GCC2: variants seen among roughly 807,000 people sequenced by gnomAD.
The protein encoded by GCC2 is GRIP and coiled-coil domain containing 2.
A neutral mutation model predicts 210.6 loss-of-function variants in GCC2; 120 were observed. The ratio of observed to expected loss-of-function variants is 0.57; its 90% CI spans 0.49 to 0.66. GCC2 has a LOEUF of 0.66. Ranked by LOEUF, GCC2 falls within the 30% of genes least tolerant of loss-of-function variation. GCC2 has a pLI of 0.00. For synonymous variants in GCC2, 703 were observed against 652.7 expected (o/e 1.08, Z -1.17); for missense variants, 1,868 against 1,871.9 (o/e 1.00, Z 0.04).
chr2:108,471,481 G>A lies in GCC2; in HGVS notation c.2152G>A (p.Val718Ile), dbSNP rs772156346. Reference sequence around the variant, plus strand: ...GGTTTTTTTGTCTCAAAAAGAAGATGTTATCCTTAAAGAACATATTACTCA... The same window carrying A: ...GGTTTTTTTGTCTCAAAAAGAAGATATTATCCTTAAAGAACATATTACTCA... ...LEVFLSQKED[V>I]ILKEHITQLE... The change falls in exon 6 of 23, where the codon GTT (valine) becomes ATT (isoleucine). Residue 718 changes from valine (V) to isoleucine (I), a missense_variant. By Grantham distance (29) the Val-to-Ile change is conservative. Coordinates refer to ENST00000309863, the MANE Select transcript of GCC2 (RefSeq NM_181453.4). 9.2e-5 allele frequency: 148 copies of A among 1,610,328 alleles called. 2 individuals carry two copies. The South Asian group carries it at 1.6e-3, about 17-fold the overall frequency.
intron 10 of GCC2, 108 bp from the exon 11 acceptor site, chr2:108,482,179 C>G (rs1681895155): frequency 1.5e-6 from 1 of 675,280 alleles, no homozygotes; most frequent in South Asian, 2.2e-5. Context: ...ACTTGGAAAT[C>G]TTCATTTGTC....
chr2:108,506,890 T>G (rs900205933), intron 22 of GCC2, among the ~76,000 whole-genome samples: 6 of 152,176 alleles, frequency 3.9e-5, no homozygotes, highest in Non-Finnish European at 7.3e-5. Flanking sequence ...GAATTTCTTA[T>G]GTGCTGGTAG....
At chr2:108,477,152 A>T (rs1048267738) in intron 9 of GCC2, among the ~76,000 whole-genome samples, 1 of 151,674 alleles carries the variant, frequency 6.6e-6, no homozygotes, top group African/African-American at 2.4e-5. Context: ...GAGTAGCTAA[A>T]TTTTTTTTTA....
intron 7 of GCC2, chr2:108,474,692 G>A (rs1417111949): frequency 6.6e-6 from 1 of 151,880 alleles, no homozygotes; most frequent in Non-Finnish European, 1.5e-5. Context: ...TGTTTAAGAT[G>A]TTCACCTGTC....
At chr2:108,455,890 A>G (rs1316766776) in intron 4 of GCC2, among the ~76,000 whole-genome samples, 1 of 152,218 alleles carries the variant, frequency 6.6e-6, no homozygotes, top group Non-Finnish European at 1.5e-5. Flanking sequence ...GAGTGTATAT[A>G]TCCCTTTGTT....
At chr2:108,491,242 T>C (rs1682391006) in intron 18 of GCC2, among the ~76,000 whole-genome samples, 1 of 152,186 alleles carries the variant, frequency 6.6e-6, no homozygotes. Flanking sequence ...ATCATTCTGA[T>C]TCCAGATGGG....
chr2:108,466,943 T>A lies in GCC2; in HGVS notation c.217-2037T>A, dbSNP rs145249290. ...TAACCTAATATTATGGTTAAAAATATGTTTGCGTTTGTCTGAACTTGTTTT... is the reference window on the plus strand; with the variant it reads ...TAACCTAATATTATGGTTAAAAATAAGTTTGCGTTTGTCTGAACTTGTTTT... On this transcript the variant is annotated intron_variant, in intron 4 of 22. Coordinates refer to ENST00000309863, the MANE Select transcript of GCC2 (RefSeq NM_181453.4). 2.9e-4 allele frequency among the ~76,000 whole-genome samples: 44 copies of A among 152,348 alleles called. 1 individual carries two copies. The South Asian group carries it at 4.8e-3, about 17-fold the overall frequency.
At chr2:108,481,478 TTTC>T (rs1038646061) in intron 9 of GCC2, among the ~76,000 whole-genome samples, 2 of 152,192 alleles carry the variant, frequency 1.3e-5, no homozygotes, top group Non-Finnish European at 2.9e-5. Flanking sequence ...TATTTAAAAT[TTTC>T]TTCTTCTTTC....
At chr2:108,463,389 A>T (rs540557988) in intron 4 of GCC2, among the ~76,000 whole-genome samples, 1 of 151,702 alleles carries the variant, frequency 6.6e-6, no homozygotes, top group Non-Finnish European at 1.5e-5. Context: ...TATCTTTAGT[A>T]TTGCTTGGGT....
At chr2:108,488,362 G>A (rs1682247270) in intron 17 of GCC2, among the ~76,000 whole-genome samples, 1 of 152,202 alleles carries the variant, frequency 6.6e-6, no homozygotes, top group South Asian at 2.1e-4. Context: ...AAAGTGCACA[G>A]TGAAGCCAGG....
chr2:108,462,400 A>G (rs1431109570), intron 4 of GCC2, among the ~76,000 whole-genome samples: 4 of 146,894 alleles, frequency 2.7e-5, no homozygotes, highest in African/African-American at 9.9e-5. Flanking sequence ...AGGCTGAGGC[A>G]GGAGAATGGC....
At chr2:108,451,650 A>G (rs910848805) in intron 3 of GCC2, among the ~76,000 whole-genome samples, 1 of 151,958 alleles carries the variant, frequency 6.6e-6, no homozygotes, top group Non-Finnish European at 1.5e-5. Context: ...ATTTCCAGTG[A>G]CTTATAAATA....
intron 4 of GCC2, among the ~76,000 whole-genome samples, chr2:108,460,420 A>G (rs1024172889): frequency 6.6e-6 from 1 of 151,960 alleles, no homozygotes; most frequent in Non-Finnish European, 1.5e-5. Flanking sequence ...GTTGCTTTAT[A>G]TATTCTTTGT....
At chr2:108,483,266 C>A in intron 12 of GCC2, 100 bp downstream of exon 12, 1 of 666,272 alleles carries the variant, frequency 1.5e-6, no homozygotes, top group East Asian at 3.0e-5. Flanking sequence ...CTCTGTGGCC[C>A]AGGCTGGAGT....
rs1682334180 is a variant in GCC2 at position 108,489,990 on chromosome 2, C to T, written c.4205C>T (p.Ser1402Phe). 5 of 1,604,880 alleles carry T rather than the reference C, an allele frequency of 3.1e-6. No individual in the cohort carries two copies. The highest frequency in any genetic ancestry group is 1.3e-5 in the African/African-American group (1 of 74,748). Residue 1402 changes from serine (S) to phenylalanine (F), a missense_variant, in exon 18 of 23, where the codon TCC becomes TTC. Transcript: ENST00000309863. ...RHNKMLQETV[S>F]KEAELREKLC... ...AACAAGATGCTGCAGGAAACTGTGT[C>T]CAAAGAGGCGGAACTCCGGGAAAAG...
In GCC2 at chr2:108,486,570, T is replaced by G. The variant is rs1414066111; in HGVS notation, c.3852T>G (p.Ser1284=). The G allele has an allele frequency of 6.2e-7, 1 of 1,614,018 alleles. No homozygotes were observed. Among genetic ancestry groups the G allele is most frequent in the Non-Finnish European group, 8.5e-7 (1 of 1,179,978 alleles). The part of the protein sequence containing the change: ...KHKIHEHLKT[S]AEQHQRTLSA... ...AAATCCACGAGCACCTGAAAACCTCTGCGGAACAGCACCAGCGTACGCTAA... is the reference window on the plus strand; with the variant it reads ...AAATCCACGAGCACCTGAAAACCTCGGCGGAACAGCACCAGCGTACGCTAA... Residue 1284 remains serine (S), a synonymous_variant, in exon 16 of 23, where the codon TCT becomes TCG. Transcript: ENST00000309863.
rs202061636 is a variant in GCC2, at chr2:108,470,282, T to G, written c.953T>G (p.Ile318Ser). ...NANQDNQICS[I>S]LLQENTFVEQ... ...AACCAAGACAATCAGATATGTTCTA[T>G]TCTCTTGCAAGAAAATACATTTGTA... Residue 318 changes from isoleucine to serine, a missense_variant, in exon 6 of 23, where the codon ATT (isoleucine) becomes AGT (serine). Ile to Ser is a moderately radical substitution (Grantham distance 142). This residue lies in a region of GCC2 where 1,847 missense variants were observed against 1,765.2 expected (regional missense o/e 1.05). Transcript: ENST00000309863. 6.2e-7 allele frequency: 1 copy of G among 1,613,340 alleles called. No individual in the cohort carries two copies. The highest frequency in any genetic ancestry group is 8.5e-7 in the Non-Finnish European group (1 of 1,179,720).
chr2:108,455,629 A>G (rs1680237051), intron 4 of GCC2, among the ~76,000 whole-genome samples: 3 of 152,284 alleles, frequency 2.0e-5, no homozygotes, highest in Admixed American at 2.0e-4. Flanking sequence ...TTTATCATAT[A>G]TATGTGTTGT....
In GCC2 at chr2:108,485,343, A is replaced by C. The variant is rs936765649; in HGVS notation, c.3614-293A>C. ...TAATTAAAAAAAAAAAAGAAAAAAAAAAGATGTTTGTAGTCCACATTTATT... is the reference window on the plus strand; with the variant it reads ...TAATTAAAAAAAAAAAAGAAAAAAACAAGATGTTTGTAGTCCACATTTATT... On this transcript the variant is annotated intron_variant, in intron 13 of 22. Transcript: ENST00000309863. Among the ~76,000 whole-genome samples the C allele has an allele frequency of 1.7e-4, 26 of 152,136 alleles. 1 individual carries two copies. Among genetic ancestry groups the C allele is most frequent in the Admixed American group, 7.2e-4 (11 of 15,260 alleles).
Sources: gnomAD v4.1 joint callset for allele counts (sites outside exome capture counted in the v4.1 genomes callset) on GRCh38, gnomAD v4.1.1 for gene constraint, gnomAD v4.1.1 regional missense constraint, MANE v1.5 for transcripts, NCBI Gene and HGNC (gene_info 2026-07-23, HGNC 2026-07-21) for gene names.